Variants in EMSY observed in about 807,000 individuals in gnomAD.
EMSY encodes BRCA2-interacting transcriptional repressor EMSY.
In EMSY, 26 loss-of-function variants were observed where a neutral mutation model predicts 134.6. The ratio of observed to expected loss-of-function variants is 0.19; its 90% CI spans 0.14 to 0.27. The LOEUF is 0.27. Ranked by LOEUF, EMSY falls within the 10% of genes least tolerant of loss-of-function variation. The pLI is 1.00. For missense variants in EMSY, 1,305 were observed against 1,611.4 expected (o/e 0.81, Z 3.26); for synonymous variants, 579 against 577.8 (o/e 1.00, Z -0.03).
At chr11:76,506,713 A>G (rs1950091967) in intron 9 of EMSY, among the ~76,000 whole-genome samples, 2 of 152,200 alleles carry the variant, frequency 1.3e-5, no homozygotes, top group Non-Finnish European at 2.9e-5. Context: ...TTGAAAATAT[A>G]CTGGTGGGAA....
intron 8 of EMSY, among the ~76,000 whole-genome samples, chr11:76,483,698 A>G (rs1168171106): frequency 6.6e-6 from 1 of 152,256 alleles, no homozygotes; most frequent in African/African-American, 2.4e-5. Flanking sequence ...AGAAGAGCTA[A>G]CTATCCTAAA....
At position 76,526,595 on chromosome 11, in the gene EMSY, T is replaced by C. The variant is rs778343718; in HGVS notation, c.1955T>C (p.Ile652Thr). 5 of 1,613,354 alleles carry C rather than the reference T, an allele frequency of 3.1e-6. No individual in the cohort carries two copies. In the South Asian group the frequency reaches 5.5e-5, roughly 18 times the overall value. ...ACAGTTCAACCAGCAGCTAAAATCA[T>C]CCCAACAAAAATTGTTTATGGGCAG... Residue 652 changes from isoleucine (I) to threonine (T), a missense_variant, in exon 13 of 21, where the codon ATC becomes ACC. Physicochemically the swap from Ile to Thr is moderately conservative, Grantham distance 89. Coordinates refer to ENST00000334736, the Ensembl canonical transcript of EMSY.
intron 3 of EMSY, 73 bp downstream of exon 3, chr11:76,452,030 AT>A: frequency 1.1e-6 from 1 of 925,762 alleles, no homozygotes; most frequent in South Asian, 2.1e-5. Context: ...TCACTCTCAA[AT>A]TAAGTAACTG....
chr11:76,448,667 C>T (rs546503532), intron 2 of EMSY, among the ~76,000 whole-genome samples: 2 of 151,764 alleles, frequency 1.3e-5, no homozygotes, highest in African/African-American at 4.8e-5. Context: ...TTCATTGACC[C>T]CTCATATTGG....
At chr11:76,546,693 T>A (rs1162927359) in intron 20 of EMSY, among the ~76,000 whole-genome samples, 1 of 152,214 alleles carries the variant, frequency 6.6e-6, no homozygotes, top group Non-Finnish European at 1.5e-5. Flanking sequence ...GTAACTGGAT[T>A]GCACTTCTAT....
intron 11 of EMSY, among the ~76,000 whole-genome samples, chr11:76,520,531 G>A (rs1163808930): frequency 6.6e-6 from 1 of 152,082 alleles, no homozygotes; most frequent in Admixed American, 6.6e-5. Context: ...GTGAATCATG[G>A]GCAGCTTGGT....
intron 6 of EMSY, among the ~76,000 whole-genome samples, chr11:76,461,635 A>G (rs1402055060): frequency 6.6e-6 from 1 of 152,328 alleles, no homozygotes; most frequent in Non-Finnish European, 1.5e-5. Flanking sequence ...GATCATTTTT[A>G]AAACACTAGG....
At chr11:76,531,793 T>C (rs1174995298) in intron 14 of EMSY, among the ~76,000 whole-genome samples, 1 of 152,202 alleles carries the variant, frequency 6.6e-6, no homozygotes, top group Non-Finnish European at 1.5e-5. Context: ...GGCATTCCAC[T>C]ATAAGGAAAA....
Position 76,528,474 on chromosome 11 carries a change from C to G in EMSY, c.2194+8C>G, listed in dbSNP as rs752431580. On this transcript the variant is annotated splice_region_variant and intron_variant, in intron 14 of 20. Coordinates refer to ENST00000334736, the Ensembl canonical transcript of EMSY. Reference sequence around the variant, plus strand: ...CCTCCCAGAGTTCCCAAGGTAAGATCTATTTTACTTCTGATTTATATAAGT... The same window carrying G: ...CCTCCCAGAGTTCCCAAGGTAAGATGTATTTTACTTCTGATTTATATAAGT... 1.3e-6 allele frequency: 2 copies of G among 1,580,334 alleles called. No individual in the cohort carries two copies. Among genetic ancestry groups the G allele is most frequent in the Admixed American group, 3.4e-5 (2 of 59,448 alleles).
intron 14 of EMSY, 65 bp from the exon 16 acceptor site, chr11:76,535,830 G>GTTT: frequency 2.9e-5 from 26 of 906,400 alleles, no homozygotes; most frequent in South Asian, 7.1e-5. Flanking sequence ...AAAATTGTTT[G>GTTT]TTTTTTTTTT....
intron 8 of EMSY, among the ~76,000 whole-genome samples, chr11:76,489,514 C>T (rs1032701133): frequency 6.6e-6 from 1 of 151,890 alleles, no homozygotes; most frequent in African/African-American, 2.4e-5. Flanking sequence ...TCTCTGGTAA[C>T]CCTTGATGTT....
intron 9 of EMSY, among the ~76,000 whole-genome samples, chr11:76,498,537 C>T (rs1306039106): frequency 1.3e-5 from 2 of 152,150 alleles, no homozygotes; most frequent in African/African-American, 4.8e-5. Context: ...TATTTAGAAA[C>T]ATTGTGTCTT....
intron 15 of EMSY, 124 bp from the exon 17 acceptor site, chr11:76,537,671 A>G: frequency 1.3e-6 from 1 of 790,878 alleles, no homozygotes; most frequent in Non-Finnish European, 2.0e-6. Flanking sequence ...TTTTCAATTC[A>G]CTGTCTACTT....
At chr11:76,544,891 G>A (rs992491425) in intron 19 of EMSY, 69 bp downstream of exon 20, 100 of 1,489,044 alleles carry the variant, frequency 6.7e-5, no homozygotes, top group Non-Finnish European at 8.4e-5. Context: ...AGAACATCAC[G>A]ACCCTATCAT....
chr11:76,447,060 TTC>T (rs745738791), intron 2 of EMSY, 52 bp downstream of exon 2: 2 of 1,566,858 alleles, frequency 1.3e-6, no homozygotes, highest in African/African-American at 1.4e-5. Flanking sequence ...TTTTTTCCCT[TTC>T]TGCCTAGGTC....
At chr11:76,455,126 G>C (rs1404841178) in intron 4 of EMSY, among the ~76,000 whole-genome samples, 1 of 152,004 alleles carries the variant, frequency 6.6e-6, no homozygotes, top group African/African-American at 2.4e-5. Context: ...TAATCTATTT[G>C]ACCTCTCCCT....
intron 8 of EMSY, among the ~76,000 whole-genome samples, chr11:76,480,337 T>C (rs1230372188): frequency 6.6e-6 from 1 of 152,172 alleles, no homozygotes; most frequent in East Asian, 1.9e-4. Context: ...CAGTCTGTTA[T>C]TATGGTAACA....
At chr11:76,471,537 T>G (rs992415563) in intron 7 of EMSY, among the ~76,000 whole-genome samples, 1 of 152,172 alleles carries the variant, frequency 6.6e-6, no homozygotes, top group Non-Finnish European at 1.5e-5. Flanking sequence ...TACTGATTCC[T>G]CTTTACTGTG....
chr11:76,538,023 G>A (rs1389998061), intron 16 of EMSY, 73 bp downstream of exon 17: 1 of 1,297,454 alleles, frequency 7.7e-7, no homozygotes, highest in Non-Finnish European at 1.1e-6. Context: ...TGATTGTGTG[G>A]GGGAGAATAT....
Sources: allele counts gnomAD v4.1 joint callset (sites outside exome capture counted in the v4.1 genomes callset), GRCh38; gene constraint gnomAD v4.1.1; transcripts MANE v1.5; gene names NCBI Gene and HGNC (gene_info 2026-07-23, HGNC 2026-07-21).